Variants in RRM2 observed in about 807,000 individuals in gnomAD.
The protein encoded by RRM2 is ribonucleoside-diphosphate reductase subunit M2.
In RRM2, 6 loss-of-function variants were observed where a neutral mutation model predicts 45.9. The ratio of observed to expected loss-of-function variants is 0.13; its 90% CI spans 0.07 to 0.26. The LOEUF is 0.26. Among genes scored for constraint, RRM2 ranks in the 10% least tolerant of loss-of-function variants. RRM2 has a pLI of 1.00. For missense variants in RRM2, 343 were observed against 489.5 expected (o/e 0.70, Z 2.82); for synonymous variants, 177 against 173.0 (o/e 1.02, Z -0.18).
intron 3 of RRM2, among the ~76,000 whole-genome samples, chr2:10,179,488 G>A (rs1663999689): frequency 6.6e-6 from 1 of 152,194 alleles, no homozygotes. Context: ...AGTGCTACCA[G>A]TATTTGCCTG....
chr2:10,131,598 G>A (rs1231076942), downstream of RRM2, among the ~76,000 whole-genome samples: 1 of 152,124 alleles, frequency 6.6e-6, no homozygotes, highest in African/African-American at 2.4e-5. Flanking sequence ...AATTAGCCTG[G>A]CATGGTGGCA....
At chr2:10,179,942 C>T (rs1456518065) in intron 3 of RRM2, among the ~76,000 whole-genome samples, 2 of 152,210 alleles carry the variant, frequency 1.3e-5, no homozygotes, top group Non-Finnish European at 2.9e-5. Flanking sequence ...TTCCCTCTGT[C>T]TAATCCAGCT....
At chr2:10,207,423 C>A (rs112531890) in intron 3 of RRM2, among the ~76,000 whole-genome samples, 5 of 152,228 alleles carry the variant, frequency 3.3e-5, no homozygotes, top group Middle Eastern at 3.4e-3. Context: ...TAGTCTCCCC[C>A]CTGTTTAAAA....
intron 3 of RRM2, among the ~76,000 whole-genome samples, chr2:10,147,877 G>C (rs1405677636): frequency 3.9e-5 from 6 of 152,062 alleles, no homozygotes; most frequent in African/African-American, 1.4e-4. Flanking sequence ...AGGTGTGGTG[G>C]TTCCCGCCTG....
chr2:10,187,041 C>T lies in RRM2; in HGVS notation n.483-23270C>T, dbSNP rs73913999. Reference sequence around the variant, plus strand: ...CTGGTGCCGGTGCCCCCGAGGCCCACGTGCAGCCCCGCTCTGTGGGGCCTT... The same window carrying T: ...CTGGTGCCGGTGCCCCCGAGGCCCATGTGCAGCCCCGCTCTGTGGGGCCTT... On this transcript the variant is annotated intron_variant and non_coding_transcript_variant, in intron 3 of 3. Transcript: ENST00000381786. Among the ~76,000 whole-genome samples, 1,141 of 152,352 alleles carry T rather than the reference C, an allele frequency of 7.5e-3. 19 individuals carry two copies. Among genetic ancestry groups the T allele is most frequent in the African/African-American group, 0.026 (1,073 of 41,582 alleles).
intron 3 of RRM2, among the ~76,000 whole-genome samples, chr2:10,197,274 CT>C (rs1350864007): frequency 2.0e-5 from 3 of 152,236 alleles, no homozygotes; most frequent in Non-Finnish European, 2.9e-5. Context: ...ACGCGAGCGC[CT>C]AGGCTGGGAG....
chr2:10,206,575 A>T (rs1490696520), intron 3 of RRM2, among the ~76,000 whole-genome samples: 1 of 152,224 alleles, frequency 6.6e-6, no homozygotes, highest in Non-Finnish European at 1.5e-5. Flanking sequence ...ATTCTGACAC[A>T]TGCTTAACCG....
chr2:10,146,254 G>C (rs141595801), intron 3 of RRM2: 1 of 152,356 alleles, frequency 6.6e-6, no homozygotes, highest in Non-Finnish European at 1.5e-5. Context: ...TGGCTCCAGA[G>C]CCCCCTCTCT....
At chr2:10,126,702 G>C in intron 5 of RRM2, 173 bp from the exon 6 acceptor site, 1 of 624,968 alleles carries the variant, frequency 1.6e-6, no homozygotes, top group Non-Finnish European at 2.8e-6. Flanking sequence ...AAGAACACTG[G>C]AGGGAAAAAC....
At chr2:10,184,825 G>A (rs1185338035) in intron 3 of RRM2, among the ~76,000 whole-genome samples, 1 of 152,218 alleles carries the variant, frequency 6.6e-6, no homozygotes, top group Non-Finnish European at 1.5e-5. Flanking sequence ...TGCAGATGGG[G>A]AAACTGAGTC....
At chr2:10,133,732 G>T (rs1398368062), downstream of RRM2, among the ~76,000 whole-genome samples, 3 of 144,672 alleles carry the variant, frequency 2.1e-5, no homozygotes, top group Non-Finnish European at 4.5e-5. Context: ...TTAATGATGA[G>T]AATAGCTGAA....
chr2:10,152,010 C>T (rs1663320584), intron 3 of RRM2, among the ~76,000 whole-genome samples: 1 of 151,520 alleles, frequency 6.6e-6, no homozygotes, highest in African/African-American at 2.4e-5. Flanking sequence ...GTACTGTGGC[C>T]CCATCTCGGC....
At chr2:10,140,832 A>G (rs1278195592), upstream of RRM2, among the ~76,000 whole-genome samples, 7 of 152,092 alleles carry the variant, frequency 4.6e-5, no homozygotes, top group Non-Finnish European at 1.0e-4. Context: ...AAATTTTCCT[A>G]TAATGTTCTT....
intron 3 of RRM2, among the ~76,000 whole-genome samples, chr2:10,163,102 G>T (rs1278528855): frequency 6.6e-6 from 1 of 152,242 alleles, no homozygotes; most frequent in Admixed American, 6.5e-5. Context: ...CTTCCAAGAG[G>T]CTCTGCTTCC....
In RRM2 at chr2:10,155,379, C is replaced by T. The variant is rs1214642577; in HGVS notation, n.482+13004C>T. 2.6e-5 allele frequency among the ~76,000 whole-genome samples: 4 copies of T among 152,324 alleles called. No homozygotes were observed. In the East Asian group the frequency reaches 5.8e-4, roughly 22 times the overall value. ...TCTCTCTATGCCCTTTTGCTGTGGA[C>T]AGAAGGTACCTTGCTCATTCATCCA... On this transcript the variant is annotated intron_variant and non_coding_transcript_variant, in intron 3 of 3. Transcript: ENST00000381786.
Position 10,124,834 on chromosome 2 carries a change from A to G in RRM2, c.553A>G (p.Lys185Glu). ...TAGTCTTCTTATTGACACTTACATA[A>G]AAGATCCCAAAGAAAGGTGAGTATT... ...MYSLLIDTYI[K>E]DPKEREFLFN... Residue 185 changes from lysine to glutamate, a missense_variant, in exon 5 of 10, where the codon AAA (lysine) becomes GAA (glutamate). Lys to Glu is a moderately conservative substitution (Grantham distance 56). This residue lies in a region of RRM2 where 212 missense variants were observed against 368.1 expected (regional missense o/e 0.58). Transcript: ENST00000304567. 1 of 1,598,958 alleles carries G rather than the reference A, an allele frequency of 6.3e-7. No individual in the cohort carries two copies. Among genetic ancestry groups the G allele is most frequent in the Non-Finnish European group, 8.6e-7 (1 of 1,168,664 alleles).
chr2:10,177,710 T>TTCCTTCCTCCCTCC (rs1553326755), intron 3 of RRM2, among the ~76,000 whole-genome samples: 8 of 116,586 alleles, frequency 6.9e-5, no homozygotes, highest in African/African-American at 2.2e-4. Flanking sequence ...TTCCTTCCTC[T>TTCCTTCCTCCCTCC]CTCCCTCCCT....
intron 3 of RRM2, among the ~76,000 whole-genome samples, chr2:10,150,546 A>G (rs539081889): frequency 6.7e-6 from 1 of 150,168 alleles, no homozygotes; most frequent in Non-Finnish European, 1.5e-5. Context: ...TATAATTGAC[A>G]TACAATAAAC....
chr2:10,156,434 G>C (rs1663428307), intron 3 of RRM2, among the ~76,000 whole-genome samples: 1 of 152,170 alleles, frequency 6.6e-6, no homozygotes, highest in South Asian at 2.1e-4. Flanking sequence ...TGTGAGCAGG[G>C]GAAGGGGCAG....
Sources: gnomAD v4.1 joint callset for allele counts (sites outside exome capture counted in the v4.1 genomes callset) on GRCh38, gnomAD v4.1.1 for gene constraint, gnomAD v4.1.1 regional missense constraint, MANE v1.5 for transcripts, NCBI Gene and HGNC (gene_info 2026-07-23, HGNC 2026-07-21) for gene names.